The following TMC4 variants were observed in gnomAD, a reference collection of about 807,000 sequenced individuals.
TMC4 encodes the protein voltage-gated chloride channel TMC4.
A neutral mutation model predicts 82.0 loss-of-function variants in TMC4; 70 were observed. The observed-to-expected ratio is 0.85, with a 90% confidence interval of 0.70 to 1.04. TMC4 has a LOEUF of 1.04. Among genes scored for constraint, TMC4 ranks in the 50% least tolerant of loss-of-function variants. TMC4 has a pLI of 0.00. For missense variants in TMC4, 879 were observed against 899.0 expected, an observed-to-expected ratio of 0.98 and a Z score of 0.28; for synonymous variants, 446 against 406.0, an observed-to-expected ratio of 1.10 and a Z score of -1.18.
At chr19:54,166,130 G>A (rs1227039410) in intron 5 of TMC4, among the ~76,000 whole-genome samples, 1 of 152,000 alleles carries the variant, frequency 6.6e-6, no homozygotes, top group Non-Finnish European at 1.5e-5. Context: ...TGTAATCCCA[G>A]CACTTTGGGA....
At chr19:54,164,305 G>T in intron 7 of TMC4, 129 bp downstream of exon 7, 1 of 1,218,500 alleles carries the variant, frequency 8.2e-7, no homozygotes, top group Non-Finnish European at 1.2e-6. Flanking sequence ...TAAGTCCAGG[G>T]TCCGAACATA....
intron 10 of TMC4, 142 bp from the exon 11 acceptor site, chr19:54,162,427 G>C (rs1028657218): frequency 5.6e-6 from 4 of 714,902 alleles, no homozygotes; most frequent in African/African-American, 5.4e-5. Flanking sequence ...ACTCCACGTG[G>C]AGGGGGTGTG....
Position 54,171,956 on chromosome 19 carries a change from G to A in TMC4, c.207C>T (p.Ala69=), listed in dbSNP as rs771910685. The change falls in exon 2 of 15, where the codon GCC becomes GCT. Residue 69 remains alanine, a synonymous_variant. Transcript: ENST00000619895. The part of the protein sequence containing the change: ...EEEDGGRSRK[A]FTEVTQTELQ... ...GCTCTGTCTGGGTGACTTCTGTGAAGGCCTTTCTGCTCCTTCCTCCATCCT... is the reference window on the plus strand; with the variant it reads ...GCTCTGTCTGGGTGACTTCTGTGAAAGCCTTTCTGCTCCTTCCTCCATCCT... 1.9e-6 allele frequency: 3 copies of A among 1,613,734 alleles called. No homozygotes were observed. Among genetic ancestry groups the A allele is most frequent in the Admixed American group, 1.7e-5 (1 of 59,970 alleles).
In TMC4 at chr19:54,168,310, C is replaced by A; in HGVS notation, c.676-18G>T. On this transcript the variant is annotated intron_variant, in intron 4 of 14. Coordinates refer to ENST00000619895, the MANE Select transcript of TMC4 (RefSeq NM_144686.4). ...AGGTAACCCTGTGGGGGGAAGGCGG[C>A]GCAGGGGCCACTGTGGGAGGAGGCG... 1 of 1,547,512 alleles carries A rather than the reference C, an allele frequency of 6.5e-7. No homozygotes were observed. The highest frequency in any genetic ancestry group is 8.7e-7 in the Non-Finnish European group (1 of 1,144,966).
intron 5 of TMC4, 78 bp downstream of exon 5, chr19:54,168,093 A>G: frequency 1.4e-6 from 2 of 1,432,364 alleles, no homozygotes; most frequent in Non-Finnish European, 1.9e-6. Context: ...ATTCTTGGGG[A>G]GGGGGTTTCT....
In TMC4 at chr19:54,162,233, C is replaced by T. The variant is rs780983859; in HGVS notation, c.1555G>A (p.Glu519Lys). 1 of 1,611,716 alleles carries T rather than the reference C, an allele frequency of 6.2e-7. No homozygotes were observed. Among genetic ancestry groups the T allele is most frequent in the Non-Finnish European group, 8.5e-7 (1 of 1,179,148 alleles). ...AGCACCTCGTCGGGCACCTGGAACT[C>T]TTGGGTCCCCGCCAGACGACCCAGC... The part of the protein sequence containing the change: ...GALGRLAGTQ[E>K]FQVPDEVLGL... Residue 519 changes from glutamate (E) to lysine (K), a missense_variant, in exon 11 of 15, where the codon GAG becomes AAG. Coordinates refer to ENST00000619895, the MANE Select transcript of TMC4 (RefSeq NM_144686.4).
At chr19:54,172,637 G>T in intron 1 of TMC4, 1 of 277,842 alleles carries the variant, frequency 3.6e-6, no homozygotes, top group South Asian at 1.2e-4. Flanking sequence ...CCAGGAGTCC[G>T]GGTGCCAGCC....
At chr19:54,167,658 G>C in intron 5 of TMC4, among the ~76,000 whole-genome samples, 1 of 150,120 alleles carries the variant, frequency 6.7e-6, no homozygotes, top group East Asian at 2.0e-4. Context: ...GCCCAGGCTG[G>C]AGTGCAGTGG....
chr19:54,163,288 ATTTCTTTC>A (rs1368234641), intron 8 of TMC4, 129 bp from the exon 9 acceptor site: 61 of 857,024 alleles, frequency 7.1e-5, no homozygotes, highest in Non-Finnish European at 9.6e-5. Flanking sequence ...CAGAATCAGG[ATTTCTTTC>A]TTTCTTTCTT....
At chr19:54,164,392 G>A in intron 7 of TMC4, 42 bp downstream of exon 7, 2 of 1,566,166 alleles carry the variant, frequency 1.3e-6, no homozygotes, top group Non-Finnish European at 1.7e-6. Context: ...GGAAATGTAG[G>A]TTCCAGGACC....
At chr19:54,163,224 A>G in intron 8 of TMC4, 65 bp from the exon 9 acceptor site, 2 of 1,594,466 alleles carry the variant, frequency 1.3e-6, no homozygotes, top group South Asian at 1.1e-5. Flanking sequence ...TTCCCTTCTC[A>G]GTGGAACGCG....
chr19:54,170,072 G>T (rs959140222), intron 2 of TMC4, among the ~76,000 whole-genome samples: 2 of 152,142 alleles, frequency 1.3e-5, no homozygotes, highest in African/African-American at 4.8e-5. Flanking sequence ...TTGCATTCCA[G>T]CCTGGGTGAC....
intron 2 of TMC4, among the ~76,000 whole-genome samples, chr19:54,171,402 A>G (rs762074024): frequency 6.6e-5 from 10 of 152,178 alleles, no homozygotes; most frequent in Non-Finnish European, 1.3e-4. Flanking sequence ...AGCCACTGCA[A>G]TGGGCCCATA....
At chr19:54,167,717 G>A (rs891422381) in intron 5 of TMC4, among the ~76,000 whole-genome samples, 7 of 150,600 alleles carry the variant, frequency 4.6e-5, no homozygotes, top group Non-Finnish European at 8.9e-5. Context: ...ACCGCTCCTG[G>A]CCCAAAACCT....
rs915850141 is a variant in TMC4 at position 54,160,733 on chromosome 19, C to G, written c.1973+145G>C. 2.1e-6 allele frequency: 3 copies of G among 1,399,694 alleles called. No individual in the cohort carries two copies. The African/African-American group carries it at 4.3e-5, about 20-fold the overall frequency. The allele number at this position is 1,399,694 out of a possible 1,614,324, so 86.7% of individuals were successfully genotyped here. On this transcript the variant is annotated intron_variant, in intron 13 of 14. Transcript: ENST00000619895. ...GTCCCGCCCACCTCCTCCTTCGGAC[C>G]CAGCAGTCCAGGAGCCTAGGCCTCC... is the stretch of plus-strand genomic sequence containing the variant.
At chr19:54,166,738 G>T (rs2146893852) in intron 5 of TMC4, among the ~76,000 whole-genome samples, 1 of 152,280 alleles carries the variant, frequency 6.6e-6, no homozygotes, top group South Asian at 2.1e-4. Flanking sequence ...TGCATCACCT[G>T]AGGTCAGGAG....
chr19:54,163,729 C>T lies in TMC4; in HGVS notation c.1272G>A (p.Leu424=), dbSNP rs765484588. 6 of 1,613,938 alleles carry T rather than the reference C, an allele frequency of 3.7e-6. No homozygotes were observed. The South Asian group carries it at 5.5e-5, about 15-fold the overall frequency. ...CATCCCCGTGAGGCTGGAACCTGAGCAGGATAAAAACGATCTGGCGACTCC... is the reference window on the plus strand; with the variant it reads ...CATCCCCGTGAGGCTGGAACCTGAGTAGGATAAAAACGATCTGGCGACTCC... ...YTRSRQIVFI[L]LRTVFLRLAS... Residue 424 remains leucine, a synonymous_variant, in exon 8 of 15, where the codon CTG becomes CTA. Coordinates refer to ENST00000619895, the MANE Select transcript of TMC4 (RefSeq NM_144686.4).
intron 6 of TMC4, among the ~76,000 whole-genome samples, chr19:54,165,023 T>G (rs1478304944): frequency 2.0e-5 from 3 of 151,398 alleles, no homozygotes; most frequent in African/African-American, 7.3e-5. Context: ...TGAACCAAAT[T>G]GCCTTAGGCC....
At chr19:54,164,673 C>A (rs1344656367) in intron 6 of TMC4, 72 bp from the exon 7 acceptor site, 1 of 1,584,958 alleles carries the variant, frequency 6.3e-7, no homozygotes, top group South Asian at 1.1e-5. Context: ...CCAGGTCTGG[C>A]TCTCCAGAGA....
Sources: allele counts gnomAD v4.1 joint callset (sites outside exome capture counted in the v4.1 genomes callset), GRCh38; gene constraint gnomAD v4.1.1; transcripts MANE v1.5; gene names NCBI Gene and HGNC (gene_info 2026-07-23, HGNC 2026-07-21).